PIWIL4: variants seen among roughly 807,000 people sequenced by gnomAD.
PIWIL4 encodes piwi-like protein 4.
In PIWIL4, 50 loss-of-function variants were observed where a neutral mutation model predicts 100.9. That is an observed-to-expected ratio of 0.50 (90% CI 0.39 to 0.63). The LOEUF (loss-of-function observed/expected upper bound fraction) is 0.63, where lower values mean the gene tolerates loss of function less well. Among genes scored for constraint, PIWIL4 ranks in the 20% least tolerant of loss-of-function variants. The probability of loss-of-function intolerance (pLI) is 0.00; values close to 1 mark genes in which losing one functional copy is unlikely to be tolerated. For missense variants in PIWIL4, 887 were observed against 1,043.3 expected, an observed-to-expected ratio of 0.85 and a Z score of 2.06; for synonymous variants, 342 against 367.5, an observed-to-expected ratio of 0.93 and a Z score of 0.79.
chr11:94,589,633 C>T (rs570865384), intron 8 of PIWIL4, among the ~76,000 whole-genome samples: 3 of 152,156 alleles, frequency 2.0e-5, no homozygotes, highest in Admixed American at 1.3e-4. Context: ...ATGTAATTGC[C>T]TCTTGTGATT....
chr11:94,567,509 C>A lies in PIWIL4; in HGVS notation c.-10C>A, dbSNP rs775893659. On this transcript the variant is annotated 5_prime_UTR_variant, in exon 1 of 20. Transcript: ENST00000299001. ...GCAGCTCTTGTGGCCACTCTGGGCT[C>A]ACCGGGAACATGAGTGGAAGAGCCC... 1.3e-6 allele frequency: 2 copies of A among 1,576,228 alleles called. No homozygotes were observed. The highest frequency in any genetic ancestry group is 1.3e-5 in the African/African-American group (1 of 74,568).
At position 94,589,200 on chromosome 11, in the gene PIWIL4, AC is replaced by A. The variant is rs1481810062; in HGVS notation, c.996del (p.Glu333ArgfsTer19). The part of the protein sequence containing the change: ...PTHTFQKRDG[T>X]EITYVDYYKQ... ...ACACACCTTTCAGAAGCGGGATGGC[AC>A]CGAGATCACCTATGTGGATTACTAC... On this transcript the variant is annotated frameshift_variant, in exon 8 of 20. Transcript: ENST00000299001. LOFTEE classifies it high-confidence loss of function. The A allele has an allele frequency of 6.2e-7, 1 of 1,609,692 alleles. No individual in the cohort carries two copies. The highest frequency in any genetic ancestry group is 2.2e-5 in the East Asian group (1 of 44,870).
At chr11:94,604,788 C>T (rs1332293632) in intron 13 of PIWIL4, among the ~76,000 whole-genome samples, 1 of 152,216 alleles carries the variant, frequency 6.6e-6, no homozygotes, top group Non-Finnish European at 1.5e-5. Context: ...CTCAGTTCAA[C>T]ATCCAACATT....
At chr11:94,604,082 C>T (rs758049082) in intron 13 of PIWIL4, 26 bp downstream of exon 13, 1 of 1,447,550 alleles carries the variant, frequency 6.9e-7, no homozygotes, top group East Asian at 2.3e-5. Context: ...TTTTTGAACT[C>T]CTTTAATCTA....
chr11:94,567,515 G>C lies in PIWIL4; in HGVS notation c.-4G>C, dbSNP rs898538444. ...CTTGTGGCCACTCTGGGCTCACCGG[G>C]AACATGAGTGGAAGAGCCCGAGTGA... On this transcript the variant is annotated 5_prime_UTR_variant, in exon 1 of 20. Transcript: ENST00000299001. 1.3e-6 allele frequency: 2 copies of C among 1,588,744 alleles called. No homozygotes were observed. The highest frequency in any genetic ancestry group is 8.6e-7 in the Non-Finnish European group (1 of 1,167,402).
intron 8 of PIWIL4, among the ~76,000 whole-genome samples, 180 bp from the exon 9 acceptor site, chr11:94,593,337 TA>T (rs1948512235): frequency 1.3e-5 from 2 of 152,084 alleles, no homozygotes; most frequent in Admixed American, 6.5e-5. Context: ...ATTAAAATAA[TA>T]AAACTGGCCC....
chr11:94,616,402 A>T (rs941187260), intron 15 of PIWIL4, 91 bp from the exon 16 acceptor site: 10 of 1,138,208 alleles, frequency 8.8e-6, no homozygotes, highest in Admixed American at 5.1e-5. Flanking sequence ...ATTTTTACTC[A>T]TAATCTCTGT....
rs1017295999 is a variant in PIWIL4 at position 94,601,939 on chromosome 11, G to C, written c.1525G>C (p.Val509Leu). 4 of 1,612,842 alleles carry C rather than the reference G, an allele frequency of 2.5e-6. No homozygotes were observed. In the Admixed American group the frequency reaches 5.0e-5, roughly 20 times the overall value. ...AESFLNCLRRVAGSMGFNVDY... is the reference protein window; with the variant it reads ...AESFLNCLRRLAGSMGFNVDY... Reference sequence around the variant, plus strand: ...GAGCTTTCTGAACTGCTTGAGAAGAGTTGCAGGTTCCATGGGATTTAATGT... The same window carrying C: ...GAGCTTTCTGAACTGCTTGAGAAGACTTGCAGGTTCCATGGGATTTAATGT... Residue 509 changes from valine to leucine, a missense_variant, in exon 12 of 20, where the codon GTT becomes CTT. This residue lies in a region of PIWIL4 where 741 missense variants were observed against 930.0 expected (regional missense o/e 0.80). Coordinates refer to ENST00000299001, the MANE Select transcript of PIWIL4 (RefSeq NM_152431.3).
rs1948217367 is a variant in PIWIL4 at position 94,574,932 on chromosome 11, A to G, written c.167-67A>G. The G allele has an allele frequency of 2.0e-6, 3 of 1,488,356 alleles. No individual in the cohort carries two copies. In the Admixed American group the frequency reaches 5.6e-5, roughly 28 times the overall value. 92.2% of individuals were successfully genotyped at this position (1,488,356 alleles called of 1,614,324 possible). A position where few individuals can be genotyped will look rare whatever the true frequency, so the allele number is the denominator to read the frequency against. Reference sequence around the variant, plus strand: ...GTTTGGATTGCAATGCATTTTTGACATAGTAGTTGCAAACAGTATCACTAG... The same window carrying G: ...GTTTGGATTGCAATGCATTTTTGACGTAGTAGTTGCAAACAGTATCACTAG... On this transcript the variant is annotated intron_variant, in intron 2 of 19. Coordinates refer to ENST00000299001, the MANE Select transcript of PIWIL4 (RefSeq NM_152431.3).
intron 14 of PIWIL4, among the ~76,000 whole-genome samples, chr11:94,607,950 C>A (rs564233865): frequency 1.3e-5 from 2 of 152,254 alleles, no homozygotes; most frequent in East Asian, 1.9e-4. Flanking sequence ...CTGAGAATAG[C>A]CTTGCACCCT....
intron 8 of PIWIL4, among the ~76,000 whole-genome samples, chr11:94,593,265 T>C (rs1463292501): frequency 6.6e-6 from 1 of 152,166 alleles, no homozygotes; most frequent in African/African-American, 2.4e-5. Context: ...ATTCTGAATC[T>C]GGCTGAAACC....
Position 94,577,332 on chromosome 11 carries a change from C to T in PIWIL4, c.353C>T (p.Pro118Leu). The T allele has an allele frequency of 1.2e-6, 2 of 1,614,016 alleles. No individual in the cohort carries two copies. Among genetic ancestry groups the T allele is most frequent in the Non-Finnish European group, 1.7e-6 (2 of 1,179,964 alleles). Reference protein sequence around the residue: ...LVTNLFNLDFPQDWQLYQYHV... With the variant: ...LVTNLFNLDFLQDWQLYQYHV... The stretch of plus-strand genomic sequence containing the variant: ...ACAAACCTCTTTAACTTAGATTTTC[C>T]CCAAGACTGGCAGCTATACCAGTAC... The change falls in exon 4 of 20, where the codon CCC (proline) becomes CTC (leucine). Residue 118 changes from proline to leucine, a missense_variant. Coordinates refer to ENST00000299001, the MANE Select transcript of PIWIL4 (RefSeq NM_152431.3).
At chr11:94,609,555 C>T (rs73514509) in intron 15 of PIWIL4, among the ~76,000 whole-genome samples, 3,469 of 152,194 alleles carry the variant, frequency 0.023, 136 homozygotes, top group African/African-American at 0.08. Context: ...ATGCCTACAA[C>T]TTCATTCCAG....
chr11:94,611,560 GT>G (rs778629869), intron 15 of PIWIL4, among the ~76,000 whole-genome samples: 3 of 151,998 alleles, frequency 2.0e-5, no homozygotes, highest in Non-Finnish European at 2.9e-5. Flanking sequence ...TATTGATATA[GT>G]TTGTCCCCTC....
chr11:94,573,920 C>T lies in PIWIL4; in HGVS notation c.167-1079C>T, dbSNP rs1948198017. Reference sequence around the variant, plus strand: ...TCATTAATTAATAACTCCCATTCCCCCCTCCCTCCAGCTCCTGGTAACTGC... The same window carrying T: ...TCATTAATTAATAACTCCCATTCCCTCCTCCCTCCAGCTCCTGGTAACTGC... On this transcript the variant is annotated intron_variant, in intron 2 of 19. Coordinates refer to ENST00000299001, the MANE Select transcript of PIWIL4 (RefSeq NM_152431.3). 2.0e-5 allele frequency among the ~76,000 whole-genome samples: 3 copies of T among 152,096 alleles called. No homozygotes were observed. In the South Asian group the frequency reaches 6.2e-4, roughly 32 times the overall value.
rs1445006385 is a variant in PIWIL4 at position 94,580,889 on chromosome 11, GC to G, written c.514-2558del. Among the ~76,000 whole-genome samples the G allele has an allele frequency of 3.1e-3, 422 of 134,088 alleles. 1 individual carries two copies. The highest frequency in any genetic ancestry group is 5.2e-3 in the African/African-American group (181 of 34,638). The allele number at this position is 134,088 out of a possible 152,430, so 88.0% of individuals were successfully genotyped here. A position where few individuals can be genotyped will look rare whatever the true frequency, so the allele number is the denominator to read the frequency against. ...ATGTGTTGATCACTTACTCTGCCAGGCTTTTTTTTTTTTTTTTTTTTTTTTG... is the reference window on the plus strand; with the variant it reads ...ATGTGTTGATCACTTACTCTGCCAGGTTTTTTTTTTTTTTTTTTTTTTTTG... On this transcript the variant is annotated intron_variant, in intron 4 of 19. Coordinates refer to ENST00000299001, the MANE Select transcript of PIWIL4 (RefSeq NM_152431.3).
chr11:94,567,402 G>T lies in PIWIL4; in HGVS notation c.-117G>T. On this transcript the variant is annotated 5_prime_UTR_variant, in exon 1 of 20. Coordinates refer to ENST00000299001, the MANE Select transcript of PIWIL4 (RefSeq NM_152431.3). ...GCCCCGGCGTTGGTTGTGGATGCTGGACATCCACCGCCTCCAGGCAGTTTC... is the reference window on the plus strand; with the variant it reads ...GCCCCGGCGTTGGTTGTGGATGCTGTACATCCACCGCCTCCAGGCAGTTTC... 2 of 938,586 alleles carry T rather than the reference G, an allele frequency of 2.1e-6. No homozygotes were observed. Among genetic ancestry groups the T allele is most frequent in the South Asian group, 2.0e-5 (1 of 49,710 alleles). 58.1% of individuals were successfully genotyped at this position (938,586 alleles called of 1,614,324 possible).
intron 7 of PIWIL4, among the ~76,000 whole-genome samples, chr11:94,588,358 A>G (rs1948433997): frequency 6.6e-6 from 1 of 152,156 alleles, no homozygotes; most frequent in Non-Finnish European, 1.5e-5. Flanking sequence ...TCTGGCTTAG[A>G]ATTTCCACTT....
intron 15 of PIWIL4, among the ~76,000 whole-genome samples, chr11:94,613,444 G>A (rs889932023): frequency 5.9e-5 from 9 of 152,088 alleles, no homozygotes; most frequent in African/African-American, 1.9e-4. Flanking sequence ...TCTTCTTTGG[G>A]TTGAACCTGC....
Sources: gnomAD v4.1 joint callset for allele counts (sites outside exome capture counted in the v4.1 genomes callset) on GRCh38, gnomAD v4.1.1 for gene constraint, gnomAD v4.1.1 regional missense constraint, MANE v1.5 for transcripts, NCBI Gene and HGNC (gene_info 2026-07-23, HGNC 2026-07-21) for gene names.